The following TLK2 variants were observed in gnomAD, a reference collection of about 807,000 sequenced individuals.
TLK2 encodes the protein serine/threonine-protein kinase tousled-like 2.
In TLK2, 6 loss-of-function variants were observed where a neutral mutation model predicts 117.3. The ratio of observed to expected loss-of-function variants is 0.05; its 90% confidence interval spans 0.03 to 0.10. The LOEUF is 0.10. Among genes scored for constraint, TLK2 ranks in the 10% least tolerant of loss-of-function variants. The pLI is 1.00. For synonymous variants in TLK2, 257 were observed against 316.7 expected (o/e 0.81, Z 2.00); for missense variants, 299 against 901.2 (o/e 0.33, Z 8.56).
At chr17:62,505,719 T>C (rs969530631) in intron 2 of TLK2, among the ~76,000 whole-genome samples, 2 of 152,170 alleles carry the variant, frequency 1.3e-5, no homozygotes, top group African/African-American at 4.8e-5. Flanking sequence ...CTGCATCTTA[T>C]TGTTATACCA....
intron 7 of TLK2, among the ~76,000 whole-genome samples, chr17:62,541,763 C>T (rs377732408): frequency 5.9e-5 from 1 of 16,950 alleles, no homozygotes; most frequent in Non-Finnish European, 8.5e-3. Context: ...GTAGCTGCAA[C>T]TAGAGTGCAC....
intron 16 of TLK2, 26 bp from the exon 17 acceptor site, chr17:62,596,559 T>G: frequency 6.3e-7 from 1 of 1,582,732 alleles, no homozygotes; most frequent in Non-Finnish European, 8.7e-7. Flanking sequence ...ATATACCTTC[T>G]TGTTAATTTT....
At chr17:62,601,812 A>G (rs1431057266) in intron 18 of TLK2, among the ~76,000 whole-genome samples, 1 of 152,222 alleles carries the variant, frequency 6.6e-6, no homozygotes, top group African/African-American at 2.4e-5. Context: ...AGCTCATCAT[A>G]GTGGTGGTTT....
chr17:62,516,507 C>G (rs1365797864), intron 2 of TLK2: 2 of 1,607,442 alleles, frequency 1.2e-6, no homozygotes, highest in East Asian at 2.2e-5. Flanking sequence ...GCACAATCTC[C>G]GGGGGCAGAT....
At chr17:62,534,064 T>G (rs1213200809) in intron 6 of TLK2, among the ~76,000 whole-genome samples, 2 of 152,346 alleles carry the variant, frequency 1.3e-5, no homozygotes, top group Admixed American at 1.3e-4. Flanking sequence ...TGTATCTGTA[T>G]GATACTGTTT....
chr17:62,496,095 A>T lies in TLK2; in HGVS notation c.81+14889A>T, dbSNP rs137878161. ...TTTCCTTCCTAGAGACAACTGTTAA[A>T]AAGTTTCTTATATTTGAGAGATATA... On this transcript the variant is annotated intron_variant, in intron 2 of 21. Transcript: ENST00000346027. Among the ~76,000 whole-genome samples, 934 of 152,242 alleles carry T rather than the reference A, an allele frequency of 6.1e-3. 12 individuals carry two copies. Among genetic ancestry groups the T allele is most frequent in the Non-Finnish European group, 5.5e-3 (374 of 68,014 alleles).
intron 11 of TLK2, among the ~76,000 whole-genome samples, chr17:62,566,877 T>G (rs2079838365): frequency 6.6e-6 from 1 of 152,148 alleles, no homozygotes; most frequent in Non-Finnish European, 1.5e-5. Flanking sequence ...ATAGCAGTCT[T>G]TTTAGACTTT....
At chr17:62,546,374 G>C (rs574651217) in intron 7 of TLK2, among the ~76,000 whole-genome samples, 149 of 10,670 alleles carry the variant, frequency 0.014, no homozygotes, top group African/African-American at 0.023. Flanking sequence ...TAATGAAAAG[G>C]GTTTTTTATT....
intron 2 of TLK2, among the ~76,000 whole-genome samples, chr17:62,487,697 C>T (rs1240931871): frequency 7.5e-6 from 1 of 132,794 alleles, no homozygotes; most frequent in Non-Finnish European, 1.5e-5. Flanking sequence ...GATCTCGGCT[C>T]ACCGCAACAT....
chr17:62,541,717 CT>C (rs961704032), intron 7 of TLK2, among the ~76,000 whole-genome samples: 45 of 151,420 alleles, frequency 3.0e-4, no homozygotes, highest in African/African-American at 1.1e-3. Context: ...CTTGGAACTT[CT>C]GGGTTCAAGC....
At chr17:62,586,388 T>G (rs1305303183) in intron 16 of TLK2, among the ~76,000 whole-genome samples, 162 bp downstream of exon 16, 4 of 152,224 alleles carry the variant, frequency 2.6e-5, no homozygotes, top group Admixed American at 6.5e-5. Context: ...ACGAGGAAAC[T>G]GATGCTTACA....
At chr17:62,497,443 T>C (rs754990973) in intron 2 of TLK2, among the ~76,000 whole-genome samples, 17 of 152,242 alleles carry the variant, frequency 1.1e-4, no homozygotes, top group Non-Finnish European at 2.1e-4. Context: ...TGGAGAATCA[T>C]TGTGGAAGAG....
chr17:62,486,895 A>G (rs2072457436), intron 2 of TLK2, among the ~76,000 whole-genome samples: 1 of 152,200 alleles, frequency 6.6e-6, no homozygotes, highest in South Asian at 2.1e-4. Flanking sequence ...TGCTTATCAC[A>G]TTGCTCCCAC....
intron 17 of TLK2, 88 bp downstream of exon 17, chr17:62,596,762 G>T (rs1483411274): frequency 1.8e-6 from 2 of 1,120,186 alleles, no homozygotes; most frequent in Admixed American, 3.9e-5. Flanking sequence ...TCTGGGTCCA[G>T]GACATACCCT....
At chr17:62,576,048 A>G (rs1940902282) in intron 12 of TLK2, among the ~76,000 whole-genome samples, 1 of 152,214 alleles carries the variant, frequency 6.6e-6, no homozygotes, top group Non-Finnish European at 1.5e-5. Context: ...CATGAAACAC[A>G]TGACTACCCA....
In TLK2 at chr17:62,570,250, T is replaced by G. The variant is rs1174509637; in HGVS notation, c.969-2965T>G. 2.0e-5 allele frequency among the ~76,000 whole-genome samples: 3 copies of G among 152,204 alleles called. No individual in the cohort carries two copies. In the East Asian group the frequency reaches 5.8e-4, roughly 29 times the overall value. ...TAATGGTGCAGAAGATTGATTGTCTTGTTTCTCTTTTGCAGGCAGTGGCTT... is the reference window on the plus strand; with the variant it reads ...TAATGGTGCAGAAGATTGATTGTCTGGTTTCTCTTTTGCAGGCAGTGGCTT... On this transcript the variant is annotated intron_variant, in intron 11 of 21. Transcript: ENST00000346027.
rs1286962579 is a variant in TLK2, at chr17:62,614,715, G to A, written c.*2150G>A. Reference sequence around the variant, plus strand: ...AAAACTACTTTATTACAATTTATATGTATATACACATGCACATATAAACGT... The same window carrying A: ...AAAACTACTTTATTACAATTTATATATATATACACATGCACATATAAACGT... On this transcript the variant is annotated 3_prime_UTR_variant, in exon 22 of 22. Transcript: ENST00000346027. 1 of 152,184 alleles carries A rather than the reference G, an allele frequency of 6.6e-6. No individual in the cohort carries two copies. The highest frequency in any genetic ancestry group is 1.5e-5 in the Non-Finnish European group (1 of 68,034). The allele number at this position is 152,184 out of a possible 1,614,324, so 9.4% of individuals were successfully genotyped here. A position where few individuals can be genotyped will look rare whatever the true frequency, so the allele number is the denominator to read the frequency against.
At chr17:62,605,910 G>A (rs1381971400) in intron 19 of TLK2, among the ~76,000 whole-genome samples, 1 of 149,468 alleles carries the variant, frequency 6.7e-6, no homozygotes, top group Non-Finnish European at 1.5e-5. Flanking sequence ...GGGAGGCTGA[G>A]GTGGGGAAAC....
chr17:62,598,197 G>A (rs1305737590), intron 17 of TLK2, among the ~76,000 whole-genome samples: 1 of 152,170 alleles, frequency 6.6e-6, no homozygotes, highest in African/African-American at 2.4e-5. Flanking sequence ...AAGGGGCGGG[G>A]CATGACATTA....
Sources: allele counts gnomAD v4.1 joint callset (sites outside exome capture counted in the v4.1 genomes callset), GRCh38; gene constraint gnomAD v4.1.1; transcripts MANE v1.5; gene names NCBI Gene and HGNC (gene_info 2026-07-23, HGNC 2026-07-21).